Variants in AP2M1 observed in about 807,000 individuals in gnomAD.
AP2M1 encodes the protein AP-2 complex subunit mu.
AP2M1 carries 5 observed loss-of-function variants against 54.5 expected under a neutral mutation model. That is an observed-to-expected ratio of 0.09 (90% CI 0.05 to 0.19). AP2M1 has a LOEUF of 0.19. Ranked by LOEUF, AP2M1 falls within the 10% of genes least tolerant of loss-of-function variation. AP2M1 has a pLI of 1.00. For missense variants in AP2M1, 178 were observed against 580.2 expected (o/e 0.31, Z 7.12); for synonymous variants, 186 against 208.2 (o/e 0.89, Z 0.92).
At chr3:184,177,496 T>C (rs1315999648) in intron 2 of AP2M1, 1 of 1,507,240 alleles carries the variant, frequency 6.6e-7, no homozygotes, top group Non-Finnish European at 8.9e-7. Flanking sequence ...TGGATTCTGT[T>C]GAAAGCCCCT....
chr3:184,182,313 C>A lies in AP2M1; in HGVS notation c.1061+65C>A. 1 of 1,528,158 alleles carries A rather than the reference C, an allele frequency of 6.5e-7. No individual in the cohort carries two copies. 94.7% of individuals were successfully genotyped at this position (1,528,158 alleles called of 1,614,324 possible). A position where few individuals can be genotyped will look rare whatever the true frequency, so the allele number is the denominator to read the frequency against. On this transcript the variant is annotated intron_variant, in intron 10 of 11. Coordinates refer to ENST00000292807, the MANE Select transcript of AP2M1 (RefSeq NM_004068.4). The surrounding 1 kb of genome is among the most constrained non-coding windows in gnomAD (Gnocchi z 5.5). ...TCCCAGTATACCCTCTTGTTTTCAGCTTTGATCCTTCTGAATGAGGGGCAG... is the reference window on the plus strand; with the variant it reads ...TCCCAGTATACCCTCTTGTTTTCAGATTTGATCCTTCTGAATGAGGGGCAG...
Position 184,178,271 on chromosome 3 carries a change from T to C in AP2M1, c.75-586T>C, listed in dbSNP as rs1292594123. On this transcript the variant is annotated intron_variant, in intron 2 of 11. Transcript: ENST00000292807. The surrounding 1 kb of genome is among the most constrained non-coding windows in gnomAD (Gnocchi z 4.9). ...GCCCAGGTACAGGTGGGTGGGGGCC[T>C]GCCCCCATCGTTTTCCTGCATCCTT... 3 of 1,528,890 alleles carry C rather than the reference T, an allele frequency of 2.0e-6. No homozygotes were observed. Among genetic ancestry groups the C allele is most frequent in the Admixed American group, 2.0e-5 (1 of 50,976 alleles). 94.7% of individuals were successfully genotyped at this position (1,528,890 alleles called of 1,614,324 possible).
rs375009921 is a variant in AP2M1 at position 184,181,822 on chromosome 3, T to C, written c.827+7T>C. On this transcript the variant is annotated splice_region_variant and intron_variant, in intron 8 of 11. Transcript: ENST00000292807. This position sits in a 1 kb window ranked among gnomAD's most constrained non-coding sequence, Gnocchi z 5.7. ...GAGAGTTTGAGCTTATGAGGTGCCA[T>C]TGGGGTGTGAGGAGGCAGCTAGTGC... The C allele has an allele frequency of 4.1e-5, 66 of 1,613,970 alleles. No individual in the cohort carries two copies. The highest frequency in any genetic ancestry group is 2.2e-4 in the South Asian group (20 of 91,056).
Position 184,183,311 on chromosome 3 carries a change from C to A in AP2M1, c.1174-171C>A. ...CTGATTCAAGGTGTCACAGGTAGGG[C>A]TTTCTTCTTTAGTCACCTCTTAGAA... On this transcript the variant is annotated intron_variant, in intron 11 of 11. Coordinates refer to ENST00000292807, the MANE Select transcript of AP2M1 (RefSeq NM_004068.4). The surrounding 1 kb of genome is among the most constrained non-coding windows in gnomAD (Gnocchi z 5.7). 2 of 909,032 alleles carry A rather than the reference C, an allele frequency of 2.2e-6. No individual in the cohort carries two copies. The highest frequency in any genetic ancestry group is 2.5e-5 in the Admixed American group (1 of 39,710). 56.3% of individuals were successfully genotyped at this position (909,032 alleles called of 1,614,324 possible). A position where few individuals can be genotyped will look rare whatever the true frequency, so the allele number is the denominator to read the frequency against.
In AP2M1 at chr3:184,183,376, T is replaced by C; in HGVS notation, c.1174-106T>C. ...CCAGCTTCTTTCAGGACCCCAGCCA[T>C]ACAAACACCTGTAGTAGCGATGAAG... On this transcript the variant is annotated intron_variant, in intron 11 of 11. Coordinates refer to ENST00000292807, the MANE Select transcript of AP2M1 (RefSeq NM_004068.4). This position sits in a 1 kb window ranked among gnomAD's most constrained non-coding sequence, Gnocchi z 5.7. 2.0e-6 allele frequency: 3 copies of C among 1,529,904 alleles called. No homozygotes were observed. Among genetic ancestry groups the C allele is most frequent in the Admixed American group, 4.0e-5 (2 of 49,524 alleles). The allele number at this position is 1,529,904 out of a possible 1,614,324, so 94.8% of individuals were successfully genotyped here.
At chr3:184,177,523 T>C (rs1715113479) in intron 2 of AP2M1, 4 of 1,534,350 alleles carry the variant, frequency 2.6e-6, no homozygotes, top group African/African-American at 1.4e-5. Context: ...TGCCCAATCC[T>C]CTCCTGCTCC....
At position 184,180,396 on chromosome 3, in the gene AP2M1, AT is replaced by A; in HGVS notation, c.423+149del. On this transcript the variant is annotated intron_variant, in intron 4 of 11. Coordinates refer to ENST00000292807, the MANE Select transcript of AP2M1 (RefSeq NM_004068.4). This position sits in a 1 kb window ranked among gnomAD's most constrained non-coding sequence, Gnocchi z 4.9. The stretch of plus-strand genomic sequence containing the variant: ...AGCCTCCTGCCATGATTGCAGGCCG[AT>A]TTTGCTCTGTGTGGTCCTCCCACTG... 8.7e-7 allele frequency: 1 copy of A among 1,155,090 alleles called. No homozygotes were observed. Among genetic ancestry groups the A allele is most frequent in the Non-Finnish European group, 1.2e-6 (1 of 813,846 alleles). 71.6% of individuals were successfully genotyped at this position (1,155,090 alleles called of 1,614,324 possible). A position where few individuals can be genotyped will look rare whatever the true frequency, so the allele number is the denominator to read the frequency against.
Position 184,183,709 on chromosome 3 carries a change from C to T in AP2M1, c.*93C>T. The T allele has an allele frequency of 7.0e-7, 1 of 1,424,856 alleles. No individual in the cohort carries two copies. The highest frequency in any genetic ancestry group is 9.6e-7 in the Non-Finnish European group (1 of 1,038,970). The allele number at this position is 1,424,856 out of a possible 1,614,324, so 88.3% of individuals were successfully genotyped here. A position where few individuals can be genotyped will look rare whatever the true frequency, so the allele number is the denominator to read the frequency against. On this transcript the variant is annotated 3_prime_UTR_variant, in exon 12 of 12. Coordinates refer to ENST00000292807, the MANE Select transcript of AP2M1 (RefSeq NM_004068.4). The surrounding 1 kb of genome is among the most constrained non-coding windows in gnomAD (Gnocchi z 5.7). The stretch of plus-strand genomic sequence containing the variant: ...CCCACCACACATCAGTGTCTCCTCC[C>T]TCCTGCTTTGCTGCCTTCCCTTTGC...
intron 3 of AP2M1, among the ~76,000 whole-genome samples, chr3:184,179,653 ATTTCT>A (rs200187551): frequency 0.023 from 2,976 of 131,410 alleles, 85 homozygotes; most frequent in African/African-American, 0.078. Context: ...TCTTCTATTG[ATTTCT>A]TTTCTTTTTT....
chr3:184,174,879 G>C lies in AP2M1; in HGVS notation c.-124G>C, dbSNP rs1042493486. Reference sequence around the variant, plus strand: ...CACTGCGGTGAAAGCCGAGGCAGCGGGCAGACGAGCAGGGGGCGGGCGGAC... The same window carrying C: ...CACTGCGGTGAAAGCCGAGGCAGCGCGCAGACGAGCAGGGGGCGGGCGGAC... On this transcript the variant is annotated 5_prime_UTR_variant, in exon 1 of 12. Coordinates refer to ENST00000292807, the MANE Select transcript of AP2M1 (RefSeq NM_004068.4). The C allele has an allele frequency of 2.5e-6, 1 of 398,252 alleles. No individual in the cohort carries two copies. The allele number at this position is 398,252 out of a possible 1,614,324, so 24.7% of individuals were successfully genotyped here. A position where few individuals can be genotyped will look rare whatever the true frequency, so the allele number is the denominator to read the frequency against.
In AP2M1 at chr3:184,181,262, C is replaced by T; in HGVS notation, c.707+36C>T. The T allele has an allele frequency of 1.2e-6, 2 of 1,612,102 alleles. No homozygotes were observed. Among genetic ancestry groups the T allele is most frequent in the Non-Finnish European group, 8.5e-7 (1 of 1,179,054 alleles). Reference sequence around the variant, plus strand: ...CAGGAGAGCTGGTGGGAGAGGGTGTCCCTTGGAGGGCTCAGTGGGGTCTAG... The same window carrying T: ...CAGGAGAGCTGGTGGGAGAGGGTGTTCCTTGGAGGGCTCAGTGGGGTCTAG... On this transcript the variant is annotated intron_variant, in intron 7 of 11. Coordinates refer to ENST00000292807, the MANE Select transcript of AP2M1 (RefSeq NM_004068.4). This position sits in a 1 kb window ranked among gnomAD's most constrained non-coding sequence, Gnocchi z 5.7.
rs1470364760 is a variant in AP2M1 at position 184,180,844 on chromosome 3, T to C, written c.430-5T>C. On this transcript the variant is annotated splice_polypyrimidine_tract_variant and splice_region_variant and intron_variant, in intron 5 of 11. Coordinates refer to ENST00000292807, the MANE Select transcript of AP2M1 (RefSeq NM_004068.4). The surrounding 1 kb of genome is among the most constrained non-coding windows in gnomAD (Gnocchi z 4.9). Reference sequence around the variant, plus strand: ...CCATTGCTGTTTGTTTCTGCCCTCATGTAGACAAAAGAAGAGCAGTCACAG... The same window carrying C: ...CCATTGCTGTTTGTTTCTGCCCTCACGTAGACAAAAGAAGAGCAGTCACAG... 6.2e-7 allele frequency: 1 copy of C among 1,614,168 alleles called. No individual in the cohort carries two copies. Among genetic ancestry groups the C allele is most frequent in the Non-Finnish European group, 8.5e-7 (1 of 1,180,036 alleles).
chr3:184,176,447 G>T (rs897894053), intron 1 of AP2M1, among the ~76,000 whole-genome samples: 7 of 152,150 alleles, frequency 4.6e-5, no homozygotes, highest in Admixed American at 2.0e-4. Context: ...TTAGAGTGCC[G>T]GAAGTTCAGG....
intron 1 of AP2M1, among the ~76,000 whole-genome samples, chr3:184,175,913 G>A (rs946459001): frequency 6.6e-6 from 1 of 152,186 alleles, no homozygotes; most frequent in African/African-American, 2.4e-5. Context: ...GACAGCCACA[G>A]GAAAAGGCTT....
chr3:184,183,920 T>C lies in AP2M1; in HGVS notation c.*304T>C, dbSNP rs1420672931. 1 of 331,838 alleles carries C rather than the reference T, an allele frequency of 3.0e-6. No homozygotes were observed. The highest frequency in any genetic ancestry group is 5.9e-6 in the Non-Finnish European group (1 of 170,412). 20.6% of individuals were successfully genotyped at this position (331,838 alleles called of 1,614,324 possible). A position where few individuals can be genotyped will look rare whatever the true frequency, so the allele number is the denominator to read the frequency against. On this transcript the variant is annotated 3_prime_UTR_variant, in exon 12 of 12. Transcript: ENST00000292807. This position sits in a 1 kb window ranked among gnomAD's most constrained non-coding sequence, Gnocchi z 5.7. ...GGGTTCCCTTTCCTTCCCACCCCTG[T>C]GGCCACAGCTCTGGAGTGGGAGGGT...
chr3:184,177,076 C>G lies in AP2M1; in HGVS notation c.74+9C>G. ...TACCGAGATGACATCGGGTGAGTCC[C>G]CTGGCGGAGCCAGCTGTGCCCCACC... On this transcript the variant is annotated intron_variant, in intron 2 of 11. Transcript: ENST00000292807. 6.2e-7 allele frequency: 1 copy of G among 1,612,498 alleles called. No individual in the cohort carries two copies. The highest frequency in any genetic ancestry group is 8.5e-7 in the Non-Finnish European group (1 of 1,179,340).
Position 184,178,610 on chromosome 3 carries a change from C to T in AP2M1, c.75-247C>T, listed in dbSNP as rs1715166246. ...CTCACTTTATTAAGGTTACATCAGC[C>T]TTAATAGTTGACTTCCCTATTTCTT... is the stretch of plus-strand genomic sequence containing the variant. On this transcript the variant is annotated intron_variant, in intron 2 of 11. Coordinates refer to ENST00000292807, the MANE Select transcript of AP2M1 (RefSeq NM_004068.4). The surrounding 1 kb of genome is among the most constrained non-coding windows in gnomAD (Gnocchi z 4.9). Among the ~76,000 whole-genome samples, 1 of 152,230 alleles carries T rather than the reference C, an allele frequency of 6.6e-6. No individual in the cohort carries two copies. Among genetic ancestry groups the T allele is most frequent in the South Asian group, 2.1e-4 (1 of 4,834 alleles).
chr3:184,179,580 A>G (rs1715201505), intron 3 of AP2M1, among the ~76,000 whole-genome samples: 1 of 151,888 alleles, frequency 6.6e-6, no homozygotes, highest in African/African-American at 2.4e-5. Context: ...CACCTTCCCA[A>G]TGTCTATTTT....
At position 184,178,812 on chromosome 3, in the gene AP2M1, G is replaced by T. The variant is rs1177322883; in HGVS notation, c.75-45G>T. 1 of 1,600,376 alleles carries T rather than the reference G, an allele frequency of 6.2e-7. No individual in the cohort carries two copies. Among genetic ancestry groups the T allele is most frequent in the Non-Finnish European group, 8.5e-7 (1 of 1,171,582 alleles). Reference sequence around the variant, plus strand: ...CTGTGGTTGATCCTTATGGGGTAAGGTTCACCTGGGTGCTGAGCAGGCCCT... The same window carrying T: ...CTGTGGTTGATCCTTATGGGGTAAGTTTCACCTGGGTGCTGAGCAGGCCCT... On this transcript the variant is annotated intron_variant, in intron 2 of 11. Coordinates refer to ENST00000292807, the MANE Select transcript of AP2M1 (RefSeq NM_004068.4). This position sits in a 1 kb window ranked among gnomAD's most constrained non-coding sequence, Gnocchi z 4.9.
Sources: gnomAD v4.1 joint callset for allele counts (sites outside exome capture counted in the v4.1 genomes callset) on GRCh38, gnomAD v4.1.1 for gene constraint, Gnocchi (gnomAD v3.1) non-coding constraint, MANE v1.5 for transcripts, NCBI Gene and HGNC (gene_info 2026-07-23, HGNC 2026-07-21) for gene names.